Variants in GYPB observed in about 807,000 individuals in gnomAD.
The protein encoded by GYPB is glycophorin B (MNS blood group), also known as glycophorin-B.
A neutral mutation model predicts 15.3 loss-of-function variants in GYPB; 13 were observed. That is an observed-to-expected ratio of 0.85 (90% CI 0.55 to 1.35). The LOEUF is 1.35. Ranked by LOEUF, GYPB falls within the 40% of genes most tolerant of loss-of-function variation. GYPB has a pLI of 0.00. For missense variants in GYPB, 131 were observed against 108.3 expected (o/e 1.21, Z -0.93); for synonymous variants, 38 against 36.9 (o/e 1.03, Z -0.11).
chr4:144,008,829 C>A (rs1368865948), intron 1 of GYPB, among the ~76,000 whole-genome samples: 2 of 151,476 alleles, frequency 1.3e-5, no homozygotes, highest in Admixed American at 6.6e-5. Context: ...ATGGTAGAAT[C>A]ATCTGTGATA....
At chr4:144,006,656 C>T (rs1243103448) in intron 1 of GYPB, among the ~76,000 whole-genome samples, 2 of 152,000 alleles carry the variant, frequency 1.3e-5, no homozygotes, top group African/African-American at 4.9e-5. Context: ...TCCTGACTTG[C>T]AGCTGAAAGA....
chr4:144,008,184 A>T (rs544605527), intron 1 of GYPB, among the ~76,000 whole-genome samples: 1 of 151,682 alleles, frequency 6.6e-6, no homozygotes, highest in East Asian at 1.9e-4. Context: ...CAAGTGGCAG[A>T]ACTGGATTTT....
At chr4:144,006,668 G>A (rs1195430221) in intron 1 of GYPB, among the ~76,000 whole-genome samples, 1 of 151,966 alleles carries the variant, frequency 6.6e-6, no homozygotes, top group Non-Finnish European at 1.5e-5. Context: ...GCTGAAAGAA[G>A]CCTTATCTTG....
chr4:144,009,176 A>G (rs1728082522), intron 1 of GYPB, among the ~76,000 whole-genome samples: 1 of 151,318 alleles, frequency 6.6e-6, no homozygotes, highest in Non-Finnish European at 1.5e-5. Context: ...TGTGAAACAG[A>G]CAGAGTTGAA....
At chr4:144,008,945 T>C (rs976499658) in intron 1 of GYPB, among the ~76,000 whole-genome samples, 1 of 151,516 alleles carries the variant, frequency 6.6e-6, no homozygotes, top group East Asian at 1.9e-4. Context: ...TCGAGGTCAA[T>C]TCTTACATTT....
At chr4:144,017,019 T>A (rs1560717587) in intron 1 of GYPB, 8 of 353,250 alleles carry the variant, frequency 2.3e-5, no homozygotes, top group Non-Finnish European at 4.4e-5. Context: ...TGACTGTTTT[T>A]ATCTTATTTT....
At chr4:144,006,135 A>G (rs1277460734) in intron 1 of GYPB, among the ~76,000 whole-genome samples, 5 of 151,846 alleles carry the variant, frequency 3.3e-5, no homozygotes, top group Admixed American at 1.3e-4. Flanking sequence ...GGCATTTGCT[A>G]TGGTACTTAG....
intron 1 of GYPB, among the ~76,000 whole-genome samples, chr4:144,011,200 T>C (rs1240156975): frequency 2.6e-5 from 4 of 150,998 alleles, no homozygotes; most frequent in Non-Finnish European, 5.9e-5. Flanking sequence ...GGCAACACGG[T>C]GAAACCCCGT....
intron 1 of GYPB, among the ~76,000 whole-genome samples, chr4:144,011,792 C>G (rs372235823): frequency 2.6e-5 from 4 of 151,288 alleles, no homozygotes; most frequent in African/African-American, 9.9e-5. Flanking sequence ...TTTGAAAGAA[C>G]ATTTCTGTAT....
chr4:143,999,701 T>C (rs1438087885), intron 2 of GYPB, among the ~76,000 whole-genome samples: 2 of 151,364 alleles, frequency 1.3e-5, no homozygotes, highest in Non-Finnish European at 2.9e-5. Context: ...GTCTCATAAC[T>C]GAGGGGAAAG....
At position 144,002,124 on chromosome 4, in the gene GYPB, A is replaced by G. The variant is rs147385608; in HGVS notation, c.38-841T>C. Among the ~76,000 whole-genome samples the G allele has an allele frequency of 5.3e-3, 806 of 151,268 alleles. 57 individuals are homozygous for G. The highest frequency in any genetic ancestry group is 0.019 in the African/African-American group (766 of 40,670). On this transcript the variant is annotated intron_variant, in intron 1 of 4. Coordinates refer to ENST00000502664, the MANE Select transcript of GYPB (RefSeq NM_002100.6). ...GCAATACATTTCAAATTTATAAGTTATTTTATAAAATTTTATAAATTCTTT... is the reference window on the plus strand; with the variant it reads ...GCAATACATTTCAAATTTATAAGTTGTTTTATAAAATTTTATAAATTCTTT...
chr4:144,003,974 A>G (rs1727747660), intron 1 of GYPB, among the ~76,000 whole-genome samples: 1 of 151,480 alleles, frequency 6.6e-6, no homozygotes, highest in African/African-American at 2.5e-5. Flanking sequence ...TCTAACATTG[A>G]AGGTAACACA....
intron 1 of GYPB, among the ~76,000 whole-genome samples, chr4:144,009,637 G>A (rs1425599575): frequency 1.1e-5 from 1 of 94,652 alleles, no homozygotes; most frequent in Non-Finnish European, 1.9e-5. Context: ...TTTTTGAGAT[G>A]GAGGCTTGTT....
chr4:144,008,436 C>A, intron 1 of GYPB: 2 of 455,276 alleles, frequency 4.4e-6, no homozygotes, highest in Non-Finnish European at 8.8e-6. Context: ...TCTAACATAG[C>A]ATTGTAGGGT....
chr4:144,008,715 G>GA (rs1454852261), intron 1 of GYPB, among the ~76,000 whole-genome samples: 1 of 151,466 alleles, frequency 6.6e-6, no homozygotes, highest in Non-Finnish European at 1.5e-5. Flanking sequence ...CAATTGAAAA[G>GA]AAAAACTTTA....
intron 1 of GYPB, among the ~76,000 whole-genome samples, chr4:144,010,255 G>T (rs1371497538): frequency 6.6e-6 from 1 of 151,226 alleles, no homozygotes; most frequent in East Asian, 1.9e-4. Flanking sequence ...CTTGAGGCCA[G>T]GAGCTTGAGA....
chr4:144,002,867 T>G (rs1727701271), intron 1 of GYPB, among the ~76,000 whole-genome samples: 1 of 151,404 alleles, frequency 6.6e-6, no homozygotes, highest in Admixed American at 6.5e-5. Flanking sequence ...TTTTCTCTTC[T>G]CTTTTAAGTT....
rs114679123 is a variant in GYPB, at chr4:144,001,349, C to G, written c.38-66G>C. ...TGACTGAGCAGACCATAAAGCATAT[C>G]ACAAAAGACAAATTCCTCTCACATC... On this transcript the variant is annotated intron_variant, in intron 1 of 4. Transcript: ENST00000502664. 259 of 1,611,242 alleles carry G rather than the reference C, an allele frequency of 1.6e-4. 9 individuals are homozygous for G. In the African/African-American group the frequency reaches 3.1e-3, roughly 19 times the overall value.
intron 1 of GYPB, among the ~76,000 whole-genome samples, chr4:144,004,941 C>G (rs182457000): frequency 6.6e-6 from 1 of 151,774 alleles, no homozygotes; most frequent in Non-Finnish European, 1.5e-5. Flanking sequence ...TAAGCAAACT[C>G]GTAACCATTG....
Sources: gnomAD v4.1 joint callset for allele counts (sites outside exome capture counted in the v4.1 genomes callset) on GRCh38, gnomAD v4.1.1 for gene constraint, MANE v1.5 for transcripts, NCBI Gene and HGNC (gene_info 2026-07-23, HGNC 2026-07-21) for gene names.